Variants in SLC2A13 observed in about 807,000 individuals in gnomAD.
SLC2A13 encodes the protein proton myo-inositol cotransporter.
In SLC2A13, 32 loss-of-function variants were observed where a neutral mutation model predicts 64.4. The observed-to-expected ratio is 0.50, with a 90% CI of 0.37 to 0.67. The LOEUF is 0.67. Among genes scored for constraint, SLC2A13 ranks in the 30% least tolerant of loss-of-function variants. SLC2A13 has a pLI of 0.00. For synonymous variants in SLC2A13, 338 were observed against 327.1 expected (o/e 1.03, Z -0.36); for missense variants, 743 against 829.2 (o/e 0.90, Z 1.28).
rs556521609 is a variant in SLC2A13 at position 40,029,106 on chromosome 12, T to C, written c.717-597A>G. 2.0e-5 allele frequency among the ~76,000 whole-genome samples: 3 copies of C among 152,276 alleles called. No individual in the cohort carries two copies. The East Asian group carries it at 5.8e-4, about 29-fold the overall frequency. ...TGGAGTCAGAAATCAATAATCCTAA[T>C]AAAAATCTGCTCATGTTGTTGTAAG... is the stretch of plus-strand genomic sequence containing the variant. On this transcript the variant is annotated intron_variant, in intron 2 of 9. Coordinates refer to ENST00000280871, the MANE Select transcript of SLC2A13 (RefSeq NM_052885.4).
intron 3 of SLC2A13, among the ~76,000 whole-genome samples, chr12:39,988,671 GAGGGAAGA>G (rs1947074201): frequency 9.3e-6 from 1 of 108,068 alleles, no homozygotes; most frequent in Non-Finnish European, 1.9e-5. Flanking sequence ...GGGAGGGAGG[GAGGGAAGA>G]AGGGAGGGAG....
chr12:39,901,135 T>C (rs1191819643), intron 4 of SLC2A13, among the ~76,000 whole-genome samples: 2 of 152,182 alleles, frequency 1.3e-5, no homozygotes. Flanking sequence ...TGGCTAGCCA[T>C]ATGTAGAAAG....
chr12:40,039,011 C>T (rs921533801), intron 2 of SLC2A13, among the ~76,000 whole-genome samples: 10 of 151,810 alleles, frequency 6.6e-5, no homozygotes, highest in Non-Finnish European at 1.3e-4. Context: ...ATAAAATTAC[C>T]ATTTTGTCCA....
chr12:39,764,312 A>G (rs1413752400), intron 9 of SLC2A13, 148 bp downstream of exon 9: 5 of 656,906 alleles, frequency 7.6e-6, no homozygotes, highest in Admixed American at 3.6e-5. Flanking sequence ...CACATTTCCG[A>G]TGCCTTTGGA....
At position 39,995,128 on chromosome 12, in the gene SLC2A13, G is replaced by A. The variant is rs1373561585; in HGVS notation, c.925+33173C>T. Among the ~76,000 whole-genome samples the A allele has an allele frequency of 3.9e-5, 6 of 152,114 alleles. No individual in the cohort carries two copies. In the East Asian group the frequency reaches 5.8e-4, roughly 15 times the overall value. On this transcript the variant is annotated intron_variant, in intron 3 of 9. Transcript: ENST00000280871. ...AAACTATAAAAATAATACACGTTGT[G>A]CAGGTCTCTTTTTTAAAAAGATTTC...
intron 7 of SLC2A13, among the ~76,000 whole-genome samples, chr12:39,817,443 C>A (rs1942369525): frequency 6.8e-6 from 1 of 147,886 alleles, no homozygotes; most frequent in South Asian, 2.1e-4. Flanking sequence ...GATTTAGGCT[C>A]TTAGTAACTT....
chr12:39,789,311 A>T (rs1941296544), intron 7 of SLC2A13, among the ~76,000 whole-genome samples: 1 of 151,880 alleles, frequency 6.6e-6, no homozygotes, highest in Non-Finnish European at 1.5e-5. Flanking sequence ...TTATTATATG[A>T]TTTATTTTAT....
At chr12:39,954,993 A>C (rs972232206) in intron 3 of SLC2A13, among the ~76,000 whole-genome samples, 1 of 152,204 alleles carries the variant, frequency 6.6e-6, no homozygotes, top group African/African-American at 2.4e-5. Context: ...CTCCAAGAAC[A>C]CTATCAACAA....
intron 1 of SLC2A13, among the ~76,000 whole-genome samples, chr12:40,090,727 GCAA>G (rs1938739449): frequency 6.6e-6 from 1 of 152,086 alleles, no homozygotes; most frequent in African/African-American, 2.4e-5. Flanking sequence ...TGTTTCTTTT[GCAA>G]CATTCATGAT....
Position 39,760,118 on chromosome 12 carries a change from A to C in SLC2A13, c.1855T>G (p.Ser619Ala). The C allele has an allele frequency of 6.2e-7, 1 of 1,613,014 alleles. No homozygotes were observed. The highest frequency in any genetic ancestry group is 8.5e-7 in the Non-Finnish European group (1 of 1,179,364). Residue 619 changes from serine (S) to alanine (A), a missense_variant, in exon 10 of 10, where the codon TCA (serine) becomes GCA (alanine). Transcript: ENST00000280871. ...FDNRLCTCGT[S>A]DSDEGRYIEY... Reference sequence around the variant, plus strand: ...ATATATCTCCCTTCATCAGAATCTGAAGTGCCACATGTACATAGCCTGTTG... The same window carrying C: ...ATATATCTCCCTTCATCAGAATCTGCAGTGCCACATGTACATAGCCTGTTG...
Position 40,084,346 on chromosome 12 carries a change from T to G in SLC2A13, c.556+20907A>C, listed in dbSNP as rs144480758. Reference sequence around the variant, plus strand: ...ATTTGGCTTAGAATTGTGTGGTCTATAAAAACACAAAGCCACTTTTTAATG... The same window carrying G: ...ATTTGGCTTAGAATTGTGTGGTCTAGAAAAACACAAAGCCACTTTTTAATG... On this transcript the variant is annotated intron_variant, in intron 1 of 9. Transcript: ENST00000280871. Among the ~76,000 whole-genome samples, 110 of 152,364 alleles carry G rather than the reference T, an allele frequency of 7.2e-4. No homozygotes were observed. The East Asian group carries it at 8.5e-3, about 12-fold the overall frequency.
At chr12:39,918,537 A>G (rs1945558863) in intron 4 of SLC2A13, among the ~76,000 whole-genome samples, 1 of 152,050 alleles carries the variant, frequency 6.6e-6, no homozygotes, top group Admixed American at 6.6e-5. Flanking sequence ...GGTGAAAAAG[A>G]GTAGTTAGTA....
chr12:39,785,269 C>T (rs747538276), intron 7 of SLC2A13, among the ~76,000 whole-genome samples: 125 of 152,292 alleles, frequency 8.2e-4, no homozygotes, highest in Non-Finnish European at 1.4e-3. Flanking sequence ...GACTTGGTGC[C>T]CTGTGTCCCA....
chr12:39,766,587 C>T (rs1940358596), intron 7 of SLC2A13, among the ~76,000 whole-genome samples: 1 of 151,944 alleles, frequency 6.6e-6, no homozygotes, highest in Non-Finnish European at 1.5e-5. Context: ...ACTGACTTTT[C>T]CCTTCACTAA....
At chr12:39,922,803 T>C (rs1344678221) in intron 4 of SLC2A13, among the ~76,000 whole-genome samples, 1 of 151,998 alleles carries the variant, frequency 6.6e-6, no homozygotes, top group Non-Finnish European at 1.5e-5. Context: ...AAAACTAGCT[T>C]GCAAAACTTT....
At chr12:39,867,481 A>G (rs556927976) in intron 5 of SLC2A13, among the ~76,000 whole-genome samples, 1 of 152,290 alleles carries the variant, frequency 6.6e-6, no homozygotes, top group South Asian at 2.1e-4. Flanking sequence ...AAAACAAAAA[A>G]AAAACTGTTA....
At chr12:40,009,015 G>T (rs1375175048) in intron 3 of SLC2A13, among the ~76,000 whole-genome samples, 2 of 152,134 alleles carry the variant, frequency 1.3e-5, no homozygotes, top group Non-Finnish European at 2.9e-5. Context: ...TATAAGATCT[G>T]ACTCAAATCA....
intron 7 of SLC2A13, among the ~76,000 whole-genome samples, chr12:39,806,179 G>A (rs990071221): frequency 7.9e-5 from 12 of 152,008 alleles, no homozygotes; most frequent in Non-Finnish European, 1.5e-4. Context: ...GAAAAAAATC[G>A]ATGACAAGTT....
chr12:39,975,492 G>C (rs752129941), intron 3 of SLC2A13, among the ~76,000 whole-genome samples: 5 of 152,138 alleles, frequency 3.3e-5, no homozygotes, highest in Admixed American at 6.5e-5. Flanking sequence ...TGCCATATTT[G>C]TGCCACTAAA....
Sources: gnomAD v4.1 joint callset for allele counts (sites outside exome capture counted in the v4.1 genomes callset) on GRCh38, gnomAD v4.1.1 for gene constraint, MANE v1.5 for transcripts, NCBI Gene and HGNC (gene_info 2026-07-23, HGNC 2026-07-21) for gene names.